The following NFATC3 variants were observed in gnomAD, a reference collection of about 807,000 sequenced individuals.
The protein encoded by NFATC3 is nuclear factor of activated T-cells, cytoplasmic 3.
NFATC3 carries 46 observed loss-of-function variants against 98.6 expected under a neutral mutation model. The ratio of observed to expected loss-of-function variants is 0.47; its 90% CI spans 0.37 to 0.60. The LOEUF (loss-of-function observed/expected upper bound fraction) is 0.60, where lower values mean the gene tolerates loss of function less well. Ranked by LOEUF, NFATC3 falls within the 20% of genes least tolerant of loss-of-function variation. The pLI is 0.00. For missense variants in NFATC3, 1,256 were observed against 1,295.5 expected, an observed-to-expected ratio of 0.97 and a Z score of 0.47; for synonymous variants, 512 against 472.2, an observed-to-expected ratio of 1.08 and a Z score of -1.09.
chr16:68,102,529 T>C (rs1463123907), intron 1 of NFATC3, among the ~76,000 whole-genome samples: 1 of 152,162 alleles, frequency 6.6e-6, no homozygotes, highest in African/African-American at 2.4e-5. Flanking sequence ...TGTTGAAAAG[T>C]CTGATGCCAT....
At chr16:68,116,709 G>A (rs1277401075) in intron 1 of NFATC3, among the ~76,000 whole-genome samples, 1 of 152,148 alleles carries the variant, frequency 6.6e-6, no homozygotes, top group African/African-American at 2.4e-5. Context: ...TTTGGGAGAA[G>A]GGTGTGGTTT....
At chr16:68,202,304 A>G (rs1331588386) in intron 9 of NFATC3, among the ~76,000 whole-genome samples, 1 of 152,100 alleles carries the variant, frequency 6.6e-6, no homozygotes, top group Admixed American at 6.6e-5. Context: ...TCATGACCTC[A>G]GCTGCTTCAG....
chr16:68,167,759 C>T (rs2151597454), intron 5 of NFATC3, among the ~76,000 whole-genome samples: 1 of 108,132 alleles, frequency 9.2e-6, no homozygotes, highest in South Asian at 3.3e-4. Flanking sequence ...AACAGGTTTT[C>T]TTATACTCTG....
At chr16:68,171,818 C>T (rs1459432465) in intron 5 of NFATC3, among the ~76,000 whole-genome samples, 1 of 149,954 alleles carries the variant, frequency 6.7e-6, no homozygotes, top group Non-Finnish European at 1.5e-5. Context: ...GATGGAGTCT[C>T]GCTGTTTCGC....
At chr16:68,099,314 A>G (rs2035213657) in intron 1 of NFATC3, among the ~76,000 whole-genome samples, 1 of 152,160 alleles carries the variant, frequency 6.6e-6, no homozygotes, top group East Asian at 1.9e-4. Context: ...GGGCGCCTGT[A>G]GTCCCAGCTA....
Position 68,140,461 on chromosome 16 carries a change from A to G in NFATC3, c.1401+13851A>G, listed in dbSNP as rs1163426492. ...ACACGTGGATATTTCAATTTAAATT[A>G]AACTGAAATTAAAAATTCAGTTATT... On this transcript the variant is annotated intron_variant, in intron 3 of 9. Transcript: ENST00000346183. Among the ~76,000 whole-genome samples, 5 of 152,222 alleles carry G rather than the reference A, an allele frequency of 3.3e-5. No individual in the cohort carries two copies. In the East Asian group the frequency reaches 5.8e-4, roughly 18 times the overall value.
intron 6 of NFATC3, among the ~76,000 whole-genome samples, chr16:68,177,344 C>A (rs1289863568): frequency 2.0e-5 from 3 of 152,180 alleles, no homozygotes; most frequent in African/African-American, 7.2e-5. Flanking sequence ...AGCCTATGTG[C>A]CCGCCTGGTC....
intron 9 of NFATC3, chr16:68,217,639 A>G: frequency 8.1e-7 from 1 of 1,231,050 alleles, no homozygotes; most frequent in Non-Finnish European, 1.0e-6. Flanking sequence ...CCACATAGGA[A>G]ATTTCTCTCA....
rs150563131 is a variant in NFATC3, at chr16:68,122,654, C to G, written c.771C>G (p.Pro257=). The G allele has an allele frequency of 6.2e-7, 1 of 1,614,164 alleles. No homozygotes were observed. The highest frequency in any genetic ancestry group is 1.1e-5 in the South Asian group (1 of 91,084). ...TCACTGATGAGAATTGGCTGAGCCC[C>G]AGGCCAGCCTCAGGACCCTCATCAA... ...SSVTDENWLS[P]RPASGPSSRP... is the part of the protein sequence containing the mutation. The change falls in exon 2 of 10, where the codon CCC becomes CCG. Residue 257 remains proline, a synonymous_variant. Transcript: ENST00000346183.
At chr16:68,086,767 C>T (rs2034402264) in intron 1 of NFATC3, 35 of 985,312 alleles carry the variant, frequency 3.6e-5, no homozygotes, top group Non-Finnish European at 4.2e-5. Flanking sequence ...AAAAAACATA[C>T]CTGAACGTGA....
In NFATC3 at chr16:68,126,435, G is replaced by C; in HGVS notation, c.1239-13G>C. On this transcript the variant is annotated splice_polypyrimidine_tract_variant and intron_variant, in intron 2 of 9. Transcript: ENST00000346183. ...AGCATGGTGACATGCATCTTTGTGT[G>C]TTTTGTTTGTAGCACATCTTCATTA... 1.2e-6 allele frequency: 2 copies of C among 1,601,076 alleles called. No individual in the cohort carries two copies. The highest frequency in any genetic ancestry group is 1.7e-6 in the Non-Finnish European group (2 of 1,170,970).
At chr16:68,203,476 A>G (rs1036108050) in intron 9 of NFATC3, among the ~76,000 whole-genome samples, 1 of 151,986 alleles carries the variant, frequency 6.6e-6, no homozygotes, top group African/African-American at 2.4e-5. Flanking sequence ...TATAAAAAAT[A>G]CCAGAATTAG....
At chr16:68,195,002 C>T (rs1270253349) in intron 9 of NFATC3, among the ~76,000 whole-genome samples, 3 of 151,858 alleles carry the variant, frequency 2.0e-5, no homozygotes, top group East Asian at 3.9e-4. Flanking sequence ...CCTATAAACT[C>T]AGCACTTTGG....
chr16:68,220,770 A>T (rs1368349284), intron 9 of NFATC3, among the ~76,000 whole-genome samples: 21 of 151,314 alleles, frequency 1.4e-4, no homozygotes, highest in Admixed American at 1.4e-3. Flanking sequence ...AAAAAAAAAA[A>T]TAGCCAGGCA....
rs935842458 is a variant in NFATC3 at position 68,170,833 on chromosome 16, A to G, written c.1775-3541A>G. Among the ~76,000 whole-genome samples, 9 of 152,040 alleles carry G rather than the reference A, an allele frequency of 5.9e-5. No homozygotes were observed. In the East Asian group the frequency reaches 1.5e-3, roughly 26 times the overall value. ...TGTATTTGTATGTCTTTTTGTAAAC[A>G]CACATACACACACAATGTTTTTTAA... On this transcript the variant is annotated intron_variant, in intron 5 of 9. Transcript: ENST00000346183.
chr16:68,132,510 A>C (rs189073032), intron 3 of NFATC3, among the ~76,000 whole-genome samples: 1 of 152,234 alleles, frequency 6.6e-6, no homozygotes, highest in Non-Finnish European at 1.5e-5. Flanking sequence ...AAATTTAAAA[A>C]TAGAACTACC....
intron 9 of NFATC3, among the ~76,000 whole-genome samples, chr16:68,217,270 A>G (rs1179390558): frequency 6.6e-6 from 1 of 151,852 alleles, no homozygotes; most frequent in African/African-American, 2.4e-5. Context: ...TGTCTTTACA[A>G]AAAATACAAA....
chr16:68,097,374 G>A (rs1350439770), intron 1 of NFATC3, among the ~76,000 whole-genome samples: 2 of 152,224 alleles, frequency 1.3e-5, no homozygotes, highest in African/African-American at 4.8e-5. Flanking sequence ...GTAAAAAGGA[G>A]TTCAGTTTTG....
intron 1 of NFATC3, among the ~76,000 whole-genome samples, chr16:68,092,882 C>G (rs553536237): frequency 6.6e-6 from 1 of 152,316 alleles, no homozygotes; most frequent in Admixed American, 6.5e-5. Flanking sequence ...TTTGCCACTT[C>G]CTGAAAATGA....
Sources: allele counts gnomAD v4.1 joint callset (sites outside exome capture counted in the v4.1 genomes callset), GRCh38; gene constraint gnomAD v4.1.1; transcripts MANE v1.5; gene names NCBI Gene and HGNC (gene_info 2026-07-23, HGNC 2026-07-21).